The following MED20 variants were observed in gnomAD, a reference collection of about 807,000 sequenced individuals.
The protein encoded by MED20 is mediator complex subunit 20.
A neutral mutation model predicts 19.7 loss-of-function variants in MED20; 19 were observed. That is an observed-to-expected ratio of 0.96 (90% confidence interval 0.67 to 1.42). MED20 has a LOEUF of 1.42. Ranked by LOEUF, MED20 falls within the 40% of genes most tolerant of loss-of-function variation. The pLI is 0.00. For synonymous variants in MED20, 105 were observed against 104.8 expected (o/e 1.00, Z -0.01); for missense variants, 225 against 273.0 (o/e 0.82, Z 1.24).
chr6:41,905,637 T>A lies in MED20; in HGVS notation c.*1435A>T, dbSNP rs1000527072. ...GTATCCTTGATGACAATACAGTACA[T>A]ACATTCACAATTCTCCAAGACCATC... On this transcript the variant is annotated 3_prime_UTR_variant, in exon 4 of 4. Transcript: ENST00000265350. 3.9e-5 allele frequency: 6 copies of A among 152,210 alleles called. No individual in the cohort carries two copies. The highest frequency in any genetic ancestry group is 7.3e-5 in the Non-Finnish European group (5 of 68,036). The allele number at this position is 152,210 out of a possible 1,614,324, so 9.4% of individuals were successfully genotyped here. A position where few individuals can be genotyped will look rare whatever the true frequency, so the allele number is the denominator to read the frequency against.
chr6:41,910,649 A>C (rs6910703), intron 2 of MED20, among the ~76,000 whole-genome samples: 37,382 of 151,134 alleles, frequency 0.25, 4,848 homozygotes, highest in Middle Eastern at 0.31. Context: ...AAAAAAGAAA[A>C]AAAAAGGTAA....
chr6:41,910,181 C>T (rs1241914428), intron 2 of MED20, among the ~76,000 whole-genome samples: 3 of 152,226 alleles, frequency 2.0e-5, no homozygotes, highest in African/African-American at 4.8e-5. Flanking sequence ...GCAAGCAGCA[C>T]ACTACAGCAG....
intron 2 of MED20, among the ~76,000 whole-genome samples, chr6:41,912,239 C>A (rs1384363861): frequency 7.4e-6 from 1 of 136,030 alleles, no homozygotes; most frequent in African/African-American, 2.8e-5. Flanking sequence ...TGAGGTCTTA[C>A]CATCTTGCCT....
chr6:41,921,035 G>A lies in MED20; in HGVS notation c.-17C>T. ...CACTCCCATGGCGTCGGGCCAGGAA[G>A]GTGGCAGAATCACACAGTAGAAACG... On this transcript the variant is annotated 5_prime_UTR_variant, in exon 1 of 4. Coordinates refer to ENST00000265350, the MANE Select transcript of MED20 (RefSeq NM_004275.5). 1 of 1,612,222 alleles carries A rather than the reference G, an allele frequency of 6.2e-7. No homozygotes were observed. The highest frequency in any genetic ancestry group is 1.3e-5 in the African/African-American group (1 of 74,966).
rs927875042 is a variant in MED20, at chr6:41,907,226, T to G, written c.485A>C (p.Gln162Pro). Residue 162 changes from glutamine (Q) to proline (P), a missense_variant, in exon 4 of 4, where the codon CAG becomes CCG. Transcript: ENST00000265350. ...DCWSLLLEFL[Q>P]SFLGSHTPGA... The stretch of plus-strand genomic sequence containing the variant: ...TGGTGTGTGGCTGCCTAGAAAACTC[T>G]GTAGGAACTCGAGCAGCAGACTCCA... The G allele has an allele frequency of 6.2e-7, 1 of 1,614,030 alleles. No homozygotes were observed. Among genetic ancestry groups the G allele is most frequent in the Non-Finnish European group, 8.5e-7 (1 of 1,180,004 alleles).
In MED20 at chr6:41,907,200, C is replaced by G; in HGVS notation, c.511G>C (p.Gly171Arg). The change falls in exon 4 of 4, where the codon GGG (glycine) becomes CGG (arginine). Residue 171 changes from glycine to arginine, a missense_variant. By Grantham distance (125) the Gly-to-Arg change is moderately radical. Transcript: ENST00000265350. Reference protein sequence around the residue: ...LQSFLGSHTPGAPAVFGNRHD... With the variant: ...LQSFLGSHTPRAPAVFGNRHD... ...CTGTTCCCAAACACTGCGGGAGCCC[C>G]TGGTGTGTGGCTGCCTAGAAAACTC... The G allele has an allele frequency of 6.2e-7, 1 of 1,614,060 alleles. No homozygotes were observed. Among genetic ancestry groups the G allele is most frequent in the Non-Finnish European group, 8.5e-7 (1 of 1,180,010 alleles).
At chr6:41,911,992 G>A (rs551127246) in intron 2 of MED20, among the ~76,000 whole-genome samples, 1 of 152,042 alleles carries the variant, frequency 6.6e-6, no homozygotes, top group East Asian at 1.9e-4. Flanking sequence ...AGGGGTGTGT[G>A]TGTGCGCTTA....
intron 1 of MED20, among the ~76,000 whole-genome samples, chr6:41,920,607 T>C (rs954416477): frequency 6.6e-6 from 1 of 151,968 alleles, no homozygotes; most frequent in Admixed American, 6.5e-5. Flanking sequence ...AAACCCCATT[T>C]CTACTAAAAA....
intron 2 of MED20, among the ~76,000 whole-genome samples, chr6:41,914,644 A>C (rs559413723): frequency 6.6e-6 from 1 of 152,076 alleles, no homozygotes; most frequent in South Asian, 2.1e-4. Context: ...GCCTAAGCCC[A>C]GGAGTTAGAG....
intron 1 of MED20, 138 bp from the exon 2 acceptor site, chr6:41,917,077 C>T: frequency 3.5e-6 from 3 of 862,062 alleles, no homozygotes; most frequent in Non-Finnish European, 5.0e-6. Context: ...GTCTCCCAAT[C>T]CCTGCAACTT....
rs754239963 is a variant in MED20 at position 41,907,224 on chromosome 6, T to G, written c.487A>C (p.Ser163Arg). The G allele has an allele frequency of 3.7e-5, 60 of 1,613,694 alleles. No individual in the cohort carries two copies. In the African/African-American group the frequency reaches 4.3e-4, roughly 12 times the overall value. ...CWSLLLEFLQSFLGSHTPGAP... is the reference protein window; with the variant it reads ...CWSLLLEFLQRFLGSHTPGAP... ...CCTGGTGTGTGGCTGCCTAGAAAAC[T>G]CTGTAGGAACTCGAGCAGCAGACTC... Residue 163 changes from serine (S) to arginine (R), a missense_variant, in exon 4 of 4, where the codon AGT (serine) becomes CGT (arginine). Physicochemically the swap from Ser to Arg is moderately radical, Grantham distance 110. Coordinates refer to ENST00000265350, the MANE Select transcript of MED20 (RefSeq NM_004275.5).
intron 2 of MED20, among the ~76,000 whole-genome samples, chr6:41,911,171 G>C (rs1211675808): frequency 7.0e-6 from 1 of 143,244 alleles, no homozygotes; most frequent in South Asian, 2.2e-4. Flanking sequence ...TTTTTTTTGA[G>C]ACAGAGTCTC....
At chr6:41,915,173 C>G (rs1462862814) in intron 2 of MED20, among the ~76,000 whole-genome samples, 3 of 152,168 alleles carry the variant, frequency 2.0e-5, no homozygotes, top group African/African-American at 4.8e-5. Flanking sequence ...GTGGCTCATG[C>G]CTGTCATCTC....
At chr6:41,918,557 T>C (rs1464866057) in intron 1 of MED20, among the ~76,000 whole-genome samples, 2 of 151,230 alleles carry the variant, frequency 1.3e-5, no homozygotes, top group African/African-American at 2.4e-5. Flanking sequence ...CTCACGCCTG[T>C]AATCCCAGCA....
intron 2 of MED20, among the ~76,000 whole-genome samples, chr6:41,909,816 G>A (rs1775147452): frequency 6.6e-6 from 1 of 152,180 alleles, no homozygotes; most frequent in Admixed American, 6.5e-5. Flanking sequence ...TGAGTGGTGG[G>A]CTCACAGATG....
At chr6:41,911,965 ATCTTAAAAGTCAAC>A (rs1290067864) in intron 2 of MED20, among the ~76,000 whole-genome samples, 4 of 152,142 alleles carry the variant, frequency 2.6e-5, no homozygotes, top group African/African-American at 9.7e-5. Context: ...CCTTGGAAAT[ATCTTAAAAGTCAAC>A]TAAGGGGTGT....
intron 2 of MED20, among the ~76,000 whole-genome samples, 197 bp downstream of exon 2, chr6:41,916,583 AAAAAT>A (rs568070282): frequency 8.5e-5 from 13 of 152,150 alleles, no homozygotes; most frequent in African/African-American, 2.7e-4. Context: ...TCCATCTCAA[AAAAAT>A]AAAATAAAAT....
In MED20 at chr6:41,907,019, C is replaced by G; in HGVS notation, c.*53G>C. 1 of 1,553,672 alleles carries G rather than the reference C, an allele frequency of 6.4e-7. No homozygotes were observed. Among genetic ancestry groups the G allele is most frequent in the Non-Finnish European group, 8.8e-7 (1 of 1,130,956 alleles). ...CCAGGGACCTGAAAGTCAGCACCTG[C>G]TCCTCCTGTGGAGTACCCCTGGTGA... On this transcript the variant is annotated 3_prime_UTR_variant, in exon 4 of 4. Coordinates refer to ENST00000265350, the MANE Select transcript of MED20 (RefSeq NM_004275.5).
rs185879907 is a variant in MED20 at position 41,911,976 on chromosome 6, C to T, written c.170-2454G>A. On this transcript the variant is annotated intron_variant, in intron 2 of 3. Coordinates refer to ENST00000265350, the MANE Select transcript of MED20 (RefSeq NM_004275.5). ...ACTGCCTTGGAAATATCTTAAAAGT[C>T]AACTAAGGGGTGTGTGTGTGCGCTT... Among the ~76,000 whole-genome samples, 188 of 152,116 alleles carry T rather than the reference C, an allele frequency of 1.2e-3. 1 individual carries two copies. Among genetic ancestry groups the T allele is most frequent in the African/African-American group, 3.8e-3 (159 of 41,490 alleles).
Sources: gnomAD v4.1 joint callset for allele counts (sites outside exome capture counted in the v4.1 genomes callset) on GRCh38, gnomAD v4.1.1 for gene constraint, MANE v1.5 for transcripts, NCBI Gene and HGNC (gene_info 2026-07-23, HGNC 2026-07-21) for gene names.